Variants in CHLSN observed in about 807,000 individuals in gnomAD.
CHLSN encodes the protein protein cholesin.
chr7:1,013,559 C>T, the CHLSN span, among the ~76,000 whole-genome samples: 1 of 152,226 alleles, frequency 6.6e-6, no homozygotes, highest in Non-Finnish European at 1.5e-5. Flanking sequence ...GTCCACCCCA[C>T]AGACCCTGCA....
the CHLSN span, among the ~76,000 whole-genome samples, chr7:1,037,535 G>A: frequency 1.2e-4 from 17 of 144,966 alleles, no homozygotes; most frequent in East Asian, 3.3e-3. Flanking sequence ...ACGGAGTCTC[G>A]TTCACTCAGT....
the CHLSN span, among the ~76,000 whole-genome samples, chr7:1,030,253 T>A: frequency 1.3e-5 from 2 of 152,122 alleles, no homozygotes; most frequent in African/African-American, 4.8e-5. Flanking sequence ...AACGCGCCAA[T>A]CCTGCTCATA....
chr7:1,010,585 G>T, the CHLSN span, among the ~76,000 whole-genome samples: 1 of 152,204 alleles, frequency 6.6e-6, no homozygotes, highest in East Asian at 1.9e-4. Flanking sequence ...GGTGCCTGGG[G>T]CCTGCTGCTT....
At chr7:1,042,525 C>A in the CHLSN span, among the ~76,000 whole-genome samples, 1 of 152,284 alleles carries the variant, frequency 6.6e-6, no homozygotes, top group Middle Eastern at 3.4e-3. Flanking sequence ...TATTGTGGTT[C>A]AGGTGGAGGG....
chr7:1,031,386 TGGTCCGGGGGGGCAGAGACCTGCAGGG>T, the CHLSN span, among the ~76,000 whole-genome samples: 32 of 113,048 alleles, frequency 2.8e-4, no homozygotes, highest in East Asian at 7.9e-3. Context: ...GAGGGCAGAG[TGGTCCGGGGGGGCAGAGACCTGCAGGG>T]AGGGCAGAGT....
chr7:1,041,459 G>A, the CHLSN span, among the ~76,000 whole-genome samples: 1 of 152,204 alleles, frequency 6.6e-6, no homozygotes, highest in African/African-American at 2.4e-5. Context: ...GCTCTGCCCA[G>A]GGACTCCACA....
the CHLSN span, among the ~76,000 whole-genome samples, chr7:1,106,855 G>A: frequency 2.0e-5 from 3 of 152,226 alleles, no homozygotes; most frequent in Non-Finnish European, 4.4e-5. Flanking sequence ...AGGGCAGCTG[G>A]GCCAGGTGAA....
At chr7:1,108,777 C>T in the CHLSN span, among the ~76,000 whole-genome samples, 2 of 152,154 alleles carry the variant, frequency 1.3e-5, no homozygotes, top group Non-Finnish European at 2.9e-5. Context: ...CGCTTTGATG[C>T]CGATGGGGGC....
the CHLSN span, chr7:988,416 C>A: frequency 6.2e-7 from 1 of 1,612,528 alleles, no homozygotes; most frequent in Non-Finnish European, 8.5e-7. Flanking sequence ...CCTTTCTCTG[C>A]AGGTCAGCAG....
chr7:1,000,943 G>A, the CHLSN span, among the ~76,000 whole-genome samples: 1 of 152,214 alleles, frequency 6.6e-6, no homozygotes, highest in South Asian at 2.1e-4. Flanking sequence ...AAAATGGGAA[G>A]ACTGTAAGGA....
At chr7:1,031,983 A>G in the CHLSN span, among the ~76,000 whole-genome samples, 1 of 152,144 alleles carries the variant, frequency 6.6e-6, no homozygotes, top group Non-Finnish European at 1.5e-5. Flanking sequence ...AACCTTCCCC[A>G]GGTAATGAGA....
At chr7:1,057,770 C>T in the CHLSN span, 43 of 775,682 alleles carry the variant, frequency 5.5e-5, no homozygotes, top group East Asian at 3.9e-4. Flanking sequence ...TGCACCTGCT[C>T]GGCCCCCCGA....
the CHLSN span, among the ~76,000 whole-genome samples, chr7:1,053,795 C>A: frequency 6.6e-5 from 10 of 152,166 alleles, no homozygotes; most frequent in African/African-American, 2.2e-4. Flanking sequence ...CCACTGCACT[C>A]CAGCCTGGGC....
chr7:1,023,428 C>G, the CHLSN span, among the ~76,000 whole-genome samples: 1 of 152,064 alleles, frequency 6.6e-6, no homozygotes, highest in Non-Finnish European at 1.5e-5. This position sits in a 1 kb window ranked among gnomAD's most constrained non-coding sequence, Gnocchi z 5.0. Context: ...CATGGACAGA[C>G]TCCCAGCCCC....
chr7:1,012,574 C>T, the CHLSN span, among the ~76,000 whole-genome samples: 1 of 152,388 alleles, frequency 6.6e-6, no homozygotes. Context: ...GGAGTCACAG[C>T]CCAATTCCCG....
chr7:997,656 C>T, the CHLSN span: 51 of 1,609,196 alleles, frequency 3.2e-5, no homozygotes, highest in Middle Eastern at 1.7e-4. Flanking sequence ...CTGTCGGATG[C>T]GCTGGGCCCT....
chr7:1,047,260 C>T, the CHLSN span, among the ~76,000 whole-genome samples: 1 of 152,214 alleles, frequency 6.6e-6, no homozygotes, highest in African/African-American at 2.4e-5. Flanking sequence ...CAGAGCCCGT[C>T]CTGGAGCCGC....
At chr7:1,072,136 C>T in the CHLSN span, among the ~76,000 whole-genome samples, 1 of 152,180 alleles carries the variant, frequency 6.6e-6, no homozygotes, top group Non-Finnish European at 1.5e-5. Context: ...CTTCCGATAC[C>T]CAGACCCTCC....
At chr7:1,135,237 A>G in the CHLSN span, among the ~76,000 whole-genome samples, 1 of 152,002 alleles carries the variant, frequency 6.6e-6, no homozygotes, top group Non-Finnish European at 1.5e-5. Flanking sequence ...TCAAATACCA[A>G]CTAGACGCTG....
Sources: gnomAD v4.1 joint callset for allele counts (sites outside exome capture counted in the v4.1 genomes callset) on GRCh38, gnomAD v4.1.1 for gene constraint, Gnocchi (gnomAD v3.1) non-coding constraint, MANE v1.5 for transcripts, NCBI Gene and HGNC (gene_info 2026-07-23, HGNC 2026-07-21) for gene names.